The following MYH2 variants were observed in gnomAD, a reference collection of about 807,000 sequenced individuals.
MYH2 encodes the protein myosin heavy chain 2.
A neutral mutation model predicts 228.1 loss-of-function variants in MYH2; 139 were observed. The observed-to-expected ratio is 0.61, with a 90% CI of 0.53 to 0.70. MYH2 has a LOEUF of 0.70. Ranked by LOEUF, MYH2 falls within the 30% of genes least tolerant of loss-of-function variation. The pLI is 0.00. For missense variants in MYH2, 1,809 were observed against 2,357.5 expected (o/e 0.77, Z 4.82); for synonymous variants, 796 against 871.1 (o/e 0.91, Z 1.52).
At position 10,535,368 on chromosome 17, in the gene MYH2, GTAAAACCA is replaced by G; in HGVS notation, c.1975-11_1975-4del. The G allele has an allele frequency of 6.2e-7, 1 of 1,613,132 alleles. No homozygotes were observed. ...GTCATCAGCTTGTTCAAATTCTCCTGTAAAACCAGGAAAAATCCTGTCATTTTAGGCTC... is the reference window on the plus strand; with the variant it reads ...GTCATCAGCTTGTTCAAATTCTCCTGGGAAAAATCCTGTCATTTTAGGCTC... On this transcript the variant is annotated splice_polypyrimidine_tract_variant and splice_region_variant and intron_variant, in intron 17 of 39. Coordinates refer to ENST00000245503, the MANE Select transcript of MYH2 (RefSeq NM_017534.6).
rs780588979 is a variant in MYH2 at position 10,525,842 on chromosome 17, C to T, written c.4222G>A (p.Glu1408Lys). The change falls in exon 31 of 40, where the codon GAA (glutamate) becomes AAA (lysine). Residue 1408 changes from glutamate (E) to lysine (K), a missense_variant. By Grantham distance (56) the Glu-to-Lys change is moderately conservative. This residue lies in a region of MYH2 where 636 missense variants were observed against 729.9 expected (regional missense o/e 0.87). Transcript: ENST00000245503. The surrounding 1 kb of genome is among the most constrained non-coding windows in gnomAD (Gnocchi z 4.2). ...KLAQRLQAAE[E>K]HVEAVNAKCA... ...TTGGCGTTCACAGCTTCTACATGTT[C>T]CTCAGCTGCCTGCAGCCGCTGGGCC... 87 of 1,614,060 alleles carry T rather than the reference C, an allele frequency of 5.4e-5. 3 individuals are homozygous for T. In the South Asian group the frequency reaches 9.1e-4, roughly 17 times the overall value.
chr17:10,539,289 G>C lies in MYH2; in HGVS notation c.1332C>G (p.Ala444=). The change falls in exon 14 of 40, where the codon GCC becomes GCG. Residue 444 remains alanine, a synonymous_variant. Transcript: ENST00000245503. ...TGGTGTCCAGCTGCTGGTTGATGCG[G>C]GCAACCATCCACAGGAACATCTTCT... ...VYEKMFLWMV[A]RINQQLDTKQ... 1.2e-6 allele frequency: 2 copies of C among 1,614,156 alleles called. No homozygotes were observed.
chr17:10,538,624 A>G (rs955857326), intron 14 of MYH2, among the ~76,000 whole-genome samples: 2 of 151,220 alleles, frequency 1.3e-5, no homozygotes, highest in Non-Finnish European at 2.9e-5. Flanking sequence ...CAGCCTGGGC[A>G]ACAGAGTGAG....
intron 27 of MYH2, 57 bp downstream of exon 27, chr17:10,528,633 C>G: frequency 6.2e-7 from 1 of 1,613,084 alleles, no homozygotes; most frequent in South Asian, 1.1e-5. Flanking sequence ...CCTGTGCAAA[C>G]TATGATGTGT....
At position 10,529,482 on chromosome 17, in the gene MYH2, CTAAATA is replaced by C; in HGVS notation, c.3118-7_3118-2del. 1.2e-6 allele frequency: 2 copies of C among 1,614,176 alleles called. No homozygotes were observed. The stretch of plus-strand genomic sequence containing the variant: ...TTTCTTGCTCCAAGGACCCTTCAAG[CTAAATA>C]TAAATTATGTTGAATCAGAAGGAAT... On this transcript the variant is annotated splice_acceptor_variant and splice_polypyrimidine_tract_variant and intron_variant, in intron 24 of 39. Coordinates refer to ENST00000245503, the MANE Select transcript of MYH2 (RefSeq NM_017534.6). LOFTEE classifies it high-confidence loss of function.
rs559601203 is a variant in MYH2 at position 10,546,870 on chromosome 17, A to G, written c.348+605T>C. ...CAAGGCAGGCGGATCATTTGAGCCC[A>G]GGAGTTCGAGACCAGTCTGGGCAAC... On this transcript the variant is annotated intron_variant, in intron 4 of 39. Transcript: ENST00000245503. 3.3e-5 allele frequency among the ~76,000 whole-genome samples: 5 copies of G among 151,982 alleles called. No individual in the cohort carries two copies. The South Asian group carries it at 1.0e-3, about 32-fold the overall frequency.
intron 3 of MYH2, 43 bp downstream of exon 3, chr17:10,547,674 C>A (rs1567738581): frequency 6.2e-7 from 1 of 1,613,906 alleles, no homozygotes; most frequent in Non-Finnish European, 8.5e-7. Context: ...ACAACAACAA[C>A]AAAAATCAAT....
rs747082271 is a variant in MYH2 at position 10,537,704 on chromosome 17, G to A, written c.1548C>T (p.Phe516=). The change falls in exon 15 of 40, where the codon TTC becomes TTT. Residue 516 remains phenylalanine, a synonymous_variant. Transcript: ENST00000245503. The surrounding 1 kb of genome is among the most constrained non-coding windows in gnomAD (Gnocchi z 4.0). ...KEGIEWTFID[F]GMDLAACIEL... ...CGATGCAGGCAGCCAGGTCCATCCC[G>A]AAGTCGATGAACGTCCACTCGATGC... 1.7e-5 allele frequency: 27 copies of A among 1,614,022 alleles called. No homozygotes were observed. The highest frequency in any genetic ancestry group is 5.3e-5 in the African/African-American group (4 of 74,894).
intron 27 of MYH2, 57 bp from the exon 28 acceptor site, chr17:10,527,931 C>T (rs1023746030): frequency 1.9e-6 from 3 of 1,583,328 alleles, no homozygotes. Flanking sequence ...ATAATAATCA[C>T]CTTTGCAGTT....
intron 4 of MYH2, among the ~76,000 whole-genome samples, chr17:10,545,942 G>A (rs998897831): frequency 1.1e-4 from 17 of 152,150 alleles, no homozygotes; most frequent in African/African-American, 3.6e-4. Flanking sequence ...GCTCTCCTCA[G>A]GGCTTTTCAC....
Position 10,521,446 on chromosome 17 carries a change from T to C in MYH2, c.5674-14A>G, listed in dbSNP as rs1360390558. 1.2e-6 allele frequency: 2 copies of C among 1,613,584 alleles called. No homozygotes were observed. The highest frequency in any genetic ancestry group is 1.7e-6 in the Non-Finnish European group (2 of 1,179,652). On this transcript the variant is annotated splice_polypyrimidine_tract_variant and intron_variant, in intron 39 of 39. Transcript: ENST00000245503. ...GGATTGTTCCTCCTGAGAATAAAAA[T>C]GGAATTGTAAGGAACTCATACTTGC...
intron 39 of MYH2, among the ~76,000 whole-genome samples, chr17:10,522,760 A>G (rs2073300313): frequency 6.6e-6 from 1 of 152,124 alleles, no homozygotes; most frequent in Non-Finnish European, 1.5e-5. Context: ...TTAAACCAAG[A>G]GTTATTTAAG....
In MYH2 at chr17:10,545,377, G is replaced by A; in HGVS notation, c.474C>T (p.Ile158=). The A allele has an allele frequency of 1.2e-6, 2 of 1,613,962 alleles. No homozygotes were observed. Among genetic ancestry groups the A allele is most frequent in the Non-Finnish European group, 1.7e-6 (2 of 1,179,976 alleles). The change falls in exon 5 of 40, where the codon ATC becomes ATT. Residue 158 remains isoleucine, a synonymous_variant. Coordinates refer to ENST00000245503, the MANE Select transcript of MYH2 (RefSeq NM_017534.6). ...RQEAPPHIFS[I]SDNAYQFMLT... The stretch of plus-strand genomic sequence containing the variant: ...GCATGAACTGATAGGCGTTGTCAGA[G>A]ATGGAGAAGATGTGGGGCGGGGCCT...
At chr17:10,540,299 T>C (rs1033617268) in intron 11 of MYH2, among the ~76,000 whole-genome samples, 7 of 150,808 alleles carry the variant, frequency 4.6e-5, no homozygotes, top group African/African-American at 1.7e-4. Context: ...AGAACAAAGA[T>C]AGTAAATCTA....
chr17:10,543,041 G>T, intron 9 of MYH2, 57 bp downstream of exon 9: 1 of 1,589,344 alleles, frequency 6.3e-7, no homozygotes, highest in Admixed American at 1.7e-5. Flanking sequence ...TTGATTTTTG[G>T]TCAGTTTTTT....
rs376346778 is a variant in MYH2, at chr17:10,522,584, CTGTT to C, written c.5673+502_5673+505del. Among the ~76,000 whole-genome samples the C allele has an allele frequency of 1.5e-3, 225 of 151,598 alleles. 5 individuals are homozygous for C. In the South Asian group the frequency reaches 0.036, roughly 24 times the overall value. On this transcript the variant is annotated intron_variant, in intron 39 of 39. Coordinates refer to ENST00000245503, the MANE Select transcript of MYH2 (RefSeq NM_017534.6). ...ATTTATAATTTATTTATTGGACTGT[CTGTT>C]TGTTTATTTTTACTTTTGGTTCATA...
intron 5 of MYH2, among the ~76,000 whole-genome samples, chr17:10,544,381 A>G (rs2073598648): frequency 1.3e-5 from 2 of 152,224 alleles, no homozygotes; most frequent in African/African-American, 4.8e-5. Flanking sequence ...AAAAAATTCT[A>G]AGATGAAGGA....
chr17:10,532,271 T>C (rs934748336), intron 21 of MYH2, among the ~76,000 whole-genome samples: 1 of 152,144 alleles, frequency 6.6e-6, no homozygotes, highest in African/African-American at 2.4e-5. Flanking sequence ...TTGCTGTATG[T>C]CAGTGCTTCT....
At chr17:10,536,896 T>G (rs1441344684) in intron 16 of MYH2, among the ~76,000 whole-genome samples, 1 of 152,228 alleles carries the variant, frequency 6.6e-6, no homozygotes, top group Non-Finnish European at 1.5e-5. Context: ...AAGCTAGTAC[T>G]GAGAGGTGGA....
Sources: gnomAD v4.1 joint callset for allele counts (sites outside exome capture counted in the v4.1 genomes callset) on GRCh38, gnomAD v4.1.1 for gene constraint, gnomAD v4.1.1 regional missense constraint, Gnocchi (gnomAD v3.1) non-coding constraint, MANE v1.5 for transcripts, NCBI Gene and HGNC (gene_info 2026-07-23, HGNC 2026-07-21) for gene names.